TMTC2: variants seen among roughly 807,000 people sequenced by gnomAD.
TMTC2 encodes the protein protein O-mannosyl-transferase TMTC2.
Under a neutral mutation model 82.4 loss-of-function variants are expected in TMTC2, and 43 were observed. The observed-to-expected ratio is 0.52, with a 90% confidence interval of 0.41 to 0.67. The LOEUF is 0.67. TMTC2 is among the 30% of genes least tolerant of loss of function. TMTC2 has a pLI of 0.00. For missense variants in TMTC2, 919 were observed against 1,012.4 expected (o/e 0.91, Z 1.25); for synonymous variants, 408 against 381.9 (o/e 1.07, Z -0.80).
intron 11 of TMTC2, among the ~76,000 whole-genome samples, chr12:83,131,817 T>C (rs1885262889): frequency 6.6e-6 from 1 of 152,226 alleles, no homozygotes; most frequent in Non-Finnish European, 1.5e-5. Context: ...TTGTCAACTT[T>C]ACCCACTTAT....
chr12:83,050,781 GA>G, intron 9 of TMTC2, 122 bp from the exon 10 acceptor site: 3 of 552,262 alleles, frequency 5.4e-6, no homozygotes, highest in Non-Finnish European at 9.5e-6. Flanking sequence ...TCTAAATAAT[GA>G]GTATGTTATT....
At chr12:82,806,809 G>A (rs1218944106) in intron 1 of TMTC2, among the ~76,000 whole-genome samples, 2 of 152,078 alleles carry the variant, frequency 1.3e-5, no homozygotes, top group Non-Finnish European at 2.9e-5. Flanking sequence ...AGGAAGAAGA[G>A]GGGGGTTGGT....
At chr12:82,916,023 G>A (rs984465288) in intron 3 of TMTC2, among the ~76,000 whole-genome samples, 3 of 152,138 alleles carry the variant, frequency 2.0e-5, no homozygotes, top group Non-Finnish European at 4.4e-5. Flanking sequence ...GAAAGACCCA[G>A]TATTTATGGA....
intron 11 of TMTC2, among the ~76,000 whole-genome samples, chr12:83,064,366 C>A (rs1300986773): frequency 6.6e-6 from 1 of 151,882 alleles, no homozygotes; most frequent in Non-Finnish European, 1.5e-5. Context: ...CAAAATGTTT[C>A]TTCATAAAAC....
intron 1 of TMTC2, among the ~76,000 whole-genome samples, chr12:82,845,759 G>A (rs1432294007): frequency 6.6e-6 from 1 of 152,022 alleles, no homozygotes; most frequent in Admixed American, 6.6e-5. Flanking sequence ...TTTAATCAGT[G>A]AAAGTGCTTA....
intron 3 of TMTC2, among the ~76,000 whole-genome samples, chr12:82,908,443 A>T (rs1874439639): frequency 6.6e-6 from 1 of 152,066 alleles, no homozygotes; most frequent in Admixed American, 6.6e-5. Context: ...AATATTGATG[A>T]TGATAGGTTT....
rs558808072 is a variant in TMTC2 at position 82,791,217 on chromosome 12, G to GT, written c.84-65787dup. On this transcript the variant is annotated intron_variant, in intron 1 of 11. Coordinates refer to ENST00000321196, the MANE Select transcript of TMTC2 (RefSeq NM_152588.3). ...CTTTTTATCTTTCCGTATTACTAAG[G>GT]TTTTTTATTTTTACTGATATAGCTG... is the stretch of plus-strand genomic sequence containing the variant. Among the ~76,000 whole-genome samples, 17 of 151,986 alleles carry GT rather than the reference G, an allele frequency of 1.1e-4. No homozygotes were observed. The South Asian group carries it at 2.7e-3, about 24-fold the overall frequency.
At chr12:82,876,028 C>CGGT (rs748180026) in intron 2 of TMTC2, among the ~76,000 whole-genome samples, 28,726 of 82,976 alleles carry the variant, frequency 0.35, 5,847 homozygotes, top group East Asian at 0.52. Context: ...GTAGTGGTGG[C>CGGT]GGTGGTGGTG....
At position 82,693,751 on chromosome 12, in the gene TMTC2, C is replaced by T. The variant is rs192715019; in HGVS notation, c.83+6082C>T. Among the ~76,000 whole-genome samples, 1,007 of 152,082 alleles carry T rather than the reference C, an allele frequency of 6.6e-3. 8 individuals carry two copies. The highest frequency in any genetic ancestry group is 0.01 in the Admixed American group (158 of 15,290). On this transcript the variant is annotated intron_variant, in intron 1 of 11. Transcript: ENST00000321196. ...TTGGGAGGCCGAGGCGGGTGGATCA[C>T]GAGTTCAGGAGTTGGAGACCAGCCT...
chr12:82,692,337 T>TA (rs1265031056), intron 1 of TMTC2, among the ~76,000 whole-genome samples: 2 of 152,240 alleles, frequency 1.3e-5, no homozygotes, highest in Admixed American at 1.3e-4. Context: ...TGAATTCTCT[T>TA]CTGCTATAAT....
At chr12:82,689,030 A>G (rs1171359010) in intron 1 of TMTC2, among the ~76,000 whole-genome samples, 1 of 152,242 alleles carries the variant, frequency 6.6e-6, no homozygotes, top group Non-Finnish European at 1.5e-5. Context: ...ACTGTTAGAC[A>G]TACATTTTTT....
chr12:82,915,705 G>T (rs1206451643), intron 3 of TMTC2, among the ~76,000 whole-genome samples: 8 of 152,140 alleles, frequency 5.3e-5, no homozygotes, highest in African/African-American at 1.9e-4. Flanking sequence ...AAGAACTCTT[G>T]GTCTTTCTAA....
intron 1 of TMTC2, among the ~76,000 whole-genome samples, chr12:82,789,786 A>G (rs1304752121): frequency 6.6e-6 from 1 of 152,150 alleles, no homozygotes; most frequent in Non-Finnish European, 1.5e-5. Flanking sequence ...ATAGACTAAG[A>G]GTTTGCTTTA....
intron 9 of TMTC2, among the ~76,000 whole-genome samples, chr12:83,038,144 G>T (rs113585472): frequency 2.5e-5 from 3 of 117,820 alleles, no homozygotes; most frequent in African/African-American, 9.7e-5. Context: ...CTGTGGGGTG[G>T]GGGGAGGGGG....
At chr12:82,781,704 T>G (rs1299712323) in intron 1 of TMTC2, among the ~76,000 whole-genome samples, 1 of 114,840 alleles carries the variant, frequency 8.7e-6, no homozygotes, top group South Asian at 2.7e-4. Context: ...TTATTATTGT[T>G]TTTTTTTTTT....
intron 3 of TMTC2, among the ~76,000 whole-genome samples, chr12:82,916,110 T>C (rs1222544046): frequency 6.6e-6 from 1 of 152,222 alleles, no homozygotes; most frequent in East Asian, 1.9e-4. Flanking sequence ...CGATCAGCCA[T>C]ATATGAGGAA....
At chr12:82,719,059 T>TTATATATATATATATATATATATATATA in intron 1 of TMTC2, among the ~76,000 whole-genome samples, 1 of 94,446 alleles carries the variant, frequency 1.1e-5, no homozygotes, top group African/African-American at 4.6e-5. Context: ...TTAGATGATT[T>TTATATATATATATATATATATATATATA]TATATATATA....
intron 8 of TMTC2, among the ~76,000 whole-genome samples, chr12:83,008,191 T>C (rs995988889): frequency 6.6e-6 from 1 of 152,220 alleles, no homozygotes; most frequent in African/African-American, 2.4e-5. Flanking sequence ...ATTTTTGGAA[T>C]GTATCTTATT....
At chr12:83,017,253 G>T (rs1880718068) in intron 8 of TMTC2, among the ~76,000 whole-genome samples, 1 of 152,122 alleles carries the variant, frequency 6.6e-6, no homozygotes, top group Non-Finnish European at 1.5e-5. Flanking sequence ...GCCATCATTT[G>T]ACTCATCTAA....
Sources: gnomAD v4.1 joint callset for allele counts (sites outside exome capture counted in the v4.1 genomes callset) on GRCh38, gnomAD v4.1.1 for gene constraint, MANE v1.5 for transcripts, NCBI Gene and HGNC (gene_info 2026-07-23, HGNC 2026-07-21) for gene names.